The following SGCZ variants were observed in gnomAD, a reference collection of about 807,000 sequenced individuals.
SGCZ encodes the protein sarcoglycan zeta.
A neutral mutation model predicts 41.3 loss-of-function variants in SGCZ; 40 were observed. That is an observed-to-expected ratio of 0.97 (90% CI 0.75 to 1.26). The LOEUF (loss-of-function observed/expected upper bound fraction) is 1.26. Among genes scored for constraint, SGCZ ranks in the 50% most tolerant of loss-of-function variants. The probability of loss-of-function intolerance (pLI) is 0.00; values close to 1 mark genes in which losing one functional copy is unlikely to be tolerated. For synonymous variants in SGCZ, 206 were observed against 137.5 expected (o/e 1.50, Z -3.49); for missense variants, 552 against 369.8 (o/e 1.49, Z -4.04).
intron 1 of SGCZ, among the ~76,000 whole-genome samples, chr8:14,615,456 C>A (rs941613340): frequency 6.6e-6 from 1 of 152,198 alleles, no homozygotes; most frequent in African/African-American, 2.4e-5. Flanking sequence ...TGAGTACTGC[C>A]TGATTCATAA....
At chr8:15,157,670 C>A (rs1799373568) in intron 1 of SGCZ, among the ~76,000 whole-genome samples, 1 of 152,112 alleles carries the variant, frequency 6.6e-6, no homozygotes. Flanking sequence ...TCCAAAACAA[C>A]ACACTTACAC....
rs117969587 is a variant in SGCZ at position 14,773,304 on chromosome 8, A to G, written c.40-218378T>C. Among the ~76,000 whole-genome samples, 94 of 152,300 alleles carry G rather than the reference A, an allele frequency of 6.2e-4. 1 individual carries two copies. The East Asian group carries it at 0.016, about 27-fold the overall frequency. ...GTGCCTTTAATTTTTCTTGGGCACT[A>G]AATTCTTGTACATTTCCCTTCATAA... On this transcript the variant is annotated intron_variant, in intron 1 of 7. Transcript: ENST00000382080.
chr8:14,926,626 T>C (rs1185436674), intron 1 of SGCZ, among the ~76,000 whole-genome samples: 1 of 151,264 alleles, frequency 6.6e-6, no homozygotes, highest in African/African-American at 2.4e-5. Flanking sequence ...TTGTTTGTTT[T>C]GTTTTTCCGT....
chr8:14,554,835 C>T lies in SGCZ; in HGVS notation c.131G>A (p.Trp44Ter). 6.2e-7 allele frequency: 1 copy of T among 1,613,188 alleles called. No individual in the cohort carries two copies. The highest frequency in any genetic ancestry group is 8.5e-7 in the Non-Finnish European group (1 of 1,179,548). The change falls in exon 2 of 8, where the codon TGG becomes TAG. Residue 44 changes from tryptophan (W) to a stop codon, truncating the protein, a stop_gained. Transcript: ENST00000382080. LOFTEE classifies it high-confidence loss of function. ...AQLYPVGIYG[W>*]RKRCLYFFVL... Reference sequence around the variant, plus strand: ...AAAGAAGTATAAGCACCTCTTTCGCCATCCATAAATTCCCACTGGGTAAAG... The same window carrying T: ...AAAGAAGTATAAGCACCTCTTTCGCTATCCATAAATTCCCACTGGGTAAAG...
chr8:14,170,165 C>G (rs1206754366), intron 4 of SGCZ, among the ~76,000 whole-genome samples: 2 of 151,450 alleles, frequency 1.3e-5, no homozygotes, highest in Non-Finnish European at 2.9e-5. Context: ...CTTCCACTTT[C>G]AACAATCACT....
rs752723934 is a variant in SGCZ, at chr8:14,316,135, T to C, written c.336+7968A>G. On this transcript the variant is annotated intron_variant, in intron 3 of 7. Transcript: ENST00000382080. ...CCTTTAAGAACAAGTAATCCTATGT[T>C]ATTAAAATTGATGTAATGTATAGGA... Among the ~76,000 whole-genome samples the C allele has an allele frequency of 4.7e-4, 72 of 151,936 alleles. 1 individual carries two copies. Among genetic ancestry groups the C allele is most frequent in the Non-Finnish European group, 2.1e-4 (14 of 67,926 alleles).
chr8:14,319,688 C>T (rs1039591839), intron 3 of SGCZ, among the ~76,000 whole-genome samples: 3 of 151,766 alleles, frequency 2.0e-5, no homozygotes, highest in Non-Finnish European at 2.9e-5. Context: ...ACCAAAGACC[C>T]GAGGCAGTTA....
At chr8:14,353,900 C>T (rs1803192485) in intron 2 of SGCZ, among the ~76,000 whole-genome samples, 2 of 152,036 alleles carry the variant, frequency 1.3e-5, no homozygotes, top group Admixed American at 1.3e-4. Flanking sequence ...CCTATAACCA[C>T]CCAGATTCTA....
At chr8:14,151,969 T>C (rs778431815) in intron 5 of SGCZ, among the ~76,000 whole-genome samples, 3 of 151,970 alleles carry the variant, frequency 2.0e-5, no homozygotes, top group Non-Finnish European at 4.4e-5. Flanking sequence ...ATGTAAAATA[T>C]AAAACTATAA....
At chr8:14,867,867 A>T (rs780683258) in intron 1 of SGCZ, among the ~76,000 whole-genome samples, 6 of 151,612 alleles carry the variant, frequency 4.0e-5, no homozygotes, top group Non-Finnish European at 7.4e-5. Context: ...CCCCCATGAC[A>T]CAGGTTTACC....
chr8:15,076,664 G>A (rs1296602575), intron 1 of SGCZ, among the ~76,000 whole-genome samples: 1 of 151,878 alleles, frequency 6.6e-6, no homozygotes, highest in African/African-American at 2.4e-5. Context: ...CCAGCCAGAA[G>A]GTAGAGATTG....
At chr8:15,080,150 G>C (rs1346275143) in intron 1 of SGCZ, among the ~76,000 whole-genome samples, 1 of 152,168 alleles carries the variant, frequency 6.6e-6, no homozygotes, top group African/African-American at 2.4e-5. Flanking sequence ...AGTGGAGGCA[G>C]AGAGGGAGTG....
intron 1 of SGCZ, among the ~76,000 whole-genome samples, chr8:14,740,006 C>T (rs534207580): frequency 1.3e-5 from 2 of 152,014 alleles, no homozygotes; most frequent in South Asian, 2.1e-4. Flanking sequence ...CATCTATAGG[C>T]CTTATTACAA....
intron 2 of SGCZ, among the ~76,000 whole-genome samples, chr8:14,326,720 G>A (rs139441265): frequency 1.1e-3 from 170 of 152,248 alleles, no homozygotes; most frequent in African/African-American, 4.0e-3. Flanking sequence ...ATACATTTCT[G>A]TTAGGATGAT....
chr8:15,105,948 C>T (rs866335140), intron 1 of SGCZ, among the ~76,000 whole-genome samples: 59 of 152,226 alleles, frequency 3.9e-4, no homozygotes, highest in Middle Eastern at 6.8e-3. Flanking sequence ...TCCATCTTTT[C>T]CCCACTAATT....
At chr8:14,587,446 A>T (rs1805096786) in intron 1 of SGCZ, among the ~76,000 whole-genome samples, 1 of 151,966 alleles carries the variant, frequency 6.6e-6, no homozygotes, top group South Asian at 2.1e-4. Flanking sequence ...CGAAGGCAGG[A>T]ATATGGCTTA....
chr8:14,708,372 A>T (rs1809398610), intron 1 of SGCZ, among the ~76,000 whole-genome samples: 1 of 152,066 alleles, frequency 6.6e-6, no homozygotes, highest in African/African-American at 2.4e-5. Flanking sequence ...AAGAGATTTA[A>T]TCATTAAAAC....
At chr8:14,159,793 G>C (rs1054248942) in intron 5 of SGCZ, among the ~76,000 whole-genome samples, 1 of 152,150 alleles carries the variant, frequency 6.6e-6, no homozygotes, top group African/African-American at 2.4e-5. Flanking sequence ...GAAAGGTTGA[G>C]TCCAAAGCTG....
chr8:14,966,770 A>G (rs1376764543), intron 1 of SGCZ, among the ~76,000 whole-genome samples: 1 of 152,172 alleles, frequency 6.6e-6, no homozygotes, highest in Non-Finnish European at 1.5e-5. Flanking sequence ...TATAGAAAAG[A>G]TGTGTTATCC....
Sources: allele counts gnomAD v4.1 joint callset (sites outside exome capture counted in the v4.1 genomes callset), GRCh38; gene constraint gnomAD v4.1.1; transcripts MANE v1.5; gene names NCBI Gene and HGNC (gene_info 2026-07-23, HGNC 2026-07-21).